CASP2: variants seen among roughly 807,000 people sequenced by gnomAD.
CASP2 encodes the protein caspase 2.
Under a neutral mutation model 54.4 loss-of-function variants are expected in CASP2, and 38 were observed. The ratio of observed to expected loss-of-function variants is 0.70; its 90% CI spans 0.54 to 0.92. The LOEUF is 0.92. CASP2 is among the 40% of genes least tolerant of loss of function. The pLI, the probability that CASP2 is intolerant of heterozygous loss-of-function variation, is 0.00. For missense variants in CASP2, 512 were observed against 579.6 expected (o/e 0.88, Z 1.20); for synonymous variants, 215 against 216.3 (o/e 0.99, Z 0.05).
intron 6 of CASP2, among the ~76,000 whole-genome samples, chr7:143,295,639 T>C (rs1801722934): frequency 6.6e-6 from 1 of 152,232 alleles, no homozygotes; most frequent in Non-Finnish European, 1.5e-5. Flanking sequence ...AGAGGATCTT[T>C]GTTTTCCATT....
chr7:143,288,811 G>A (rs1801466244), intron 1 of CASP2, among the ~76,000 whole-genome samples: 1 of 152,248 alleles, frequency 6.6e-6, no homozygotes, highest in South Asian at 2.1e-4. Context: ...TTGCAGTCCT[G>A]CCCGCTCTTG....
At chr7:143,304,547 C>G (rs1802010952) in intron 9 of CASP2, 127 bp from the exon 10 acceptor site, 1 of 781,612 alleles carries the variant, frequency 1.3e-6, no homozygotes, top group African/African-American at 1.7e-5. Flanking sequence ...GAGTACCCTC[C>G]TAGACTTAGA....
chr7:143,292,598 G>A lies in CASP2; in HGVS notation c.394-19G>A, dbSNP rs751514443. The A allele has an allele frequency of 8.1e-6, 13 of 1,612,344 alleles. No individual in the cohort carries two copies. The highest frequency in any genetic ancestry group is 9.3e-6 in the Non-Finnish European group (11 of 1,178,532). ...CCACTTCCCTAAGGTCTGTCATCATGAGTTTTGATTTCTTACAGTTGAGCT... is the reference window on the plus strand; with the variant it reads ...CCACTTCCCTAAGGTCTGTCATCATAAGTTTTGATTTCTTACAGTTGAGCT... On this transcript the variant is annotated intron_variant, in intron 3 of 10. Transcript: ENST00000310447.
chr7:143,299,774 CA>C, intron 6 of CASP2, 148 bp from the exon 7 acceptor site: 1 of 825,210 alleles, frequency 1.2e-6, no homozygotes, highest in African/African-American at 1.7e-5. Context: ...TTTAGTCTCT[CA>C]AAAGGTCTCT....
chr7:143,300,647 G>C lies in CASP2; in HGVS notation c.967+353G>C, dbSNP rs1009787979. The C allele has an allele frequency of 8.6e-6, 11 of 1,281,664 alleles. No individual in the cohort carries two copies. The African/African-American group carries it at 1.4e-4, about 16-fold the overall frequency. 79.4% of individuals were successfully genotyped at this position (1,281,664 alleles called of 1,614,324 possible). ...TTACTCATTCCAGTTACGGATTTTT[G>C]ATCTGTCTTTTTCCTGTCCTTCTTA... On this transcript the variant is annotated intron_variant, in intron 8 of 10. Coordinates refer to ENST00000310447, the MANE Select transcript of CASP2 (RefSeq NM_032982.4).
At chr7:143,290,168 C>G (rs1338452883) in intron 1 of CASP2, among the ~76,000 whole-genome samples, 1 of 144,894 alleles carries the variant, frequency 6.9e-6, no homozygotes, top group Non-Finnish European at 1.5e-5. Flanking sequence ...TCAAGCGATT[C>G]TCCTGTCTCA....
Position 143,294,684 on chromosome 7 carries a change from T to C in CASP2, c.658T>C (p.Ser220Pro), listed in dbSNP as rs1801689571. The C allele has an allele frequency of 1.9e-6, 3 of 1,614,190 alleles. No homozygotes were observed. The highest frequency in any genetic ancestry group is 2.5e-6 in the Non-Finnish European group (3 of 1,180,034). Residue 220 changes from serine to proline, a missense_variant, in exon 6 of 11, where the codon TCT (serine) becomes CCT (proline). Transcript: ENST00000310447. ...FTGEKELEFR[S>P]GGDVDHSTLV... ...TGGAGAGAAAGAACTGGAATTTCGCTCTGGAGGGGATGTGGACCACAGTAC... is the reference window on the plus strand; with the variant it reads ...TGGAGAGAAAGAACTGGAATTTCGCCCTGGAGGGGATGTGGACCACAGTAC...
intron 6 of CASP2, among the ~76,000 whole-genome samples, chr7:143,299,362 C>T (rs987434782): frequency 6.6e-6 from 1 of 152,142 alleles, no homozygotes; most frequent in Non-Finnish European, 1.5e-5. Flanking sequence ...GTACAGAATC[C>T]TCCTTCATAG....
At chr7:143,300,344 C>T (rs774896123) in intron 8 of CASP2, 50 bp downstream of exon 8, 33 of 1,607,852 alleles carry the variant, frequency 2.1e-5, no homozygotes, top group Non-Finnish European at 2.7e-5. Flanking sequence ...TGGGCAGCCT[C>T]CCACCAGCTC....
rs1055673880 is a variant in CASP2 at position 143,306,191 on chromosome 7, A to G, written c.*1120A>G. On this transcript the variant is annotated 3_prime_UTR_variant, in exon 11 of 11. Coordinates refer to ENST00000310447, the MANE Select transcript of CASP2 (RefSeq NM_032982.4). ...AGTGCCATACATGTTATTGTTTTCA[A>G]CCTAGAAACCTTTATCCCTGCTTAT... The G allele has an allele frequency of 1.3e-5, 2 of 149,652 alleles. No homozygotes were observed. Among genetic ancestry groups the G allele is most frequent in the African/African-American group, 4.9e-5 (2 of 40,542 alleles). 9.3% of individuals were successfully genotyped at this position (149,652 alleles called of 1,614,324 possible).
intron 6 of CASP2, among the ~76,000 whole-genome samples, chr7:143,295,322 C>G (rs1277677560): frequency 1.3e-5 from 2 of 152,222 alleles, no homozygotes; most frequent in Non-Finnish European, 1.5e-5. Flanking sequence ...GCTACGGCAC[C>G]TGGCTGGGAA....
intron 1 of CASP2, among the ~76,000 whole-genome samples, chr7:143,291,152 A>G (rs1016278532): frequency 1.3e-5 from 2 of 152,240 alleles, no homozygotes; most frequent in African/African-American, 4.8e-5. Context: ...ATAAACTTAC[A>G]TCACTTTCAC....
chr7:143,292,274 T>A (rs1801598546), intron 2 of CASP2, 26 bp from the exon 3 acceptor site: 1 of 1,610,666 alleles, frequency 6.2e-7, no homozygotes, highest in Admixed American at 1.7e-5. Flanking sequence ...GTAAATATGA[T>A]TTCATGTTTT....
Position 143,299,929 on chromosome 7 carries a change from C to T in CASP2, c.754C>T (p.Gln252Ter). Residue 252 changes from glutamine (Q) to a stop codon, truncating the protein, a stop_gained, in exon 7 of 11, where the codon CAA becomes TAA. Transcript: ENST00000310447. LOFTEE classifies it high-confidence loss of function. ...AAACATTCCTTTCTTTTAGGAAATG[C>T]AAGAGAAACTGCAGAATTTTGCACA... is the stretch of plus-strand genomic sequence containing the variant. The part of the protein sequence containing the change: ...VLCDQTAQEM[Q>*]EKLQNFAQLP... The T allele has an allele frequency of 6.2e-7, 1 of 1,614,136 alleles. No individual in the cohort carries two copies. Among genetic ancestry groups the T allele is most frequent in the Non-Finnish European group, 8.5e-7 (1 of 1,180,010 alleles).
intron 4 of CASP2, 35 bp downstream of exon 4, chr7:143,292,733 A>G (rs2116768912): frequency 6.5e-7 from 1 of 1,550,096 alleles, no homozygotes; most frequent in Non-Finnish European, 8.9e-7. Context: ...GTCCCAGGCC[A>G]GGTGCCACGG....
intron 1 of CASP2, among the ~76,000 whole-genome samples, chr7:143,288,864 T>C (rs1019125111): frequency 2.0e-5 from 3 of 152,260 alleles, no homozygotes; most frequent in Non-Finnish European, 4.4e-5. Context: ...GGCTCCCTTA[T>C]GAGGGAAACT....
In CASP2 at chr7:143,288,538, G is replaced by A. The variant is rs773950603; in HGVS notation, c.74+9G>A. 3.1e-6 allele frequency: 5 copies of A among 1,612,520 alleles called. No homozygotes were observed. Among genetic ancestry groups the A allele is most frequent in the Admixed American group, 1.7e-5 (1 of 60,000 alleles). On this transcript the variant is annotated intron_variant, in intron 1 of 10. Transcript: ENST00000310447. Reference sequence around the variant, plus strand: ...GCTGACAGGGGACGCAGGTAAGTAGGGAACGGTCTTAGGGCTCCTTAGGGG... The same window carrying A: ...GCTGACAGGGGACGCAGGTAAGTAGAGAACGGTCTTAGGGCTCCTTAGGGG...
intron 1 of CASP2, chr7:143,290,578 C>T (rs1176901575): frequency 6.6e-6 from 1 of 152,102 alleles, no homozygotes; most frequent in Non-Finnish European, 1.5e-5. Context: ...AGTTTATAAG[C>T]AGAAGCTGAT....
In CASP2 at chr7:143,291,624, G is replaced by C. The variant is rs781452658; in HGVS notation, c.159G>C (p.Leu53Phe). 3 of 1,613,892 alleles carry C rather than the reference G, an allele frequency of 1.9e-6. No homozygotes were observed. Among genetic ancestry groups the C allele is most frequent in the Admixed American group, 3.3e-5 (2 of 59,976 alleles). ...TGGTGCTAGCCAAACAGCTGTTGTT[G>C]AGCGAATTGTTAGAACATCTTCTGG... ...NRVVLAKQLL[L>F]SELLEHLLEK... is the part of the protein sequence containing the mutation. The change falls in exon 2 of 11, where the codon TTG becomes TTC. Residue 53 changes from leucine to phenylalanine, a missense_variant. Leu to Phe is a conservative substitution (Grantham distance 22, BLOSUM62 0). Transcript: ENST00000310447.
Sources: allele counts gnomAD v4.1 joint callset (sites outside exome capture counted in the v4.1 genomes callset), GRCh38; gene constraint gnomAD v4.1.1; transcripts MANE v1.5; gene names NCBI Gene and HGNC (gene_info 2026-07-23, HGNC 2026-07-21).